The following TFCP2 variants were observed in gnomAD, a reference collection of about 807,000 sequenced individuals.
The protein encoded by TFCP2 is transcription factor CP2.
Under a neutral mutation model 73.4 loss-of-function variants are expected in TFCP2, and 33 were observed. The ratio of observed to expected loss-of-function variants is 0.45; its 90% confidence interval spans 0.34 to 0.60. The LOEUF is 0.60. TFCP2 is among the 20% of genes least tolerant of loss of function. The probability of loss-of-function intolerance (pLI) is 0.01; values close to 1 mark genes in which losing one functional copy is unlikely to be tolerated. For missense variants in TFCP2, 352 were observed against 604.0 expected (o/e 0.58, Z 4.37); for synonymous variants, 193 against 211.6 (o/e 0.91, Z 0.76).
chr12:51,157,941 G>C (rs1383552906), intron 1 of TFCP2, among the ~76,000 whole-genome samples: 3 of 151,878 alleles, frequency 2.0e-5, no homozygotes, highest in Non-Finnish European at 4.4e-5. Flanking sequence ...AACTCCCAAA[G>C]TGCTGGGATT....
intron 1 of TFCP2, among the ~76,000 whole-genome samples, chr12:51,121,393 C>G (rs1377808444): frequency 6.7e-6 from 1 of 149,942 alleles, no homozygotes; most frequent in Non-Finnish European, 1.5e-5. Flanking sequence ...CACTGAAGCC[C>G]GGGAGACAGA....
At position 51,158,177 on chromosome 12, in the gene TFCP2, T is replaced by C. The variant is rs76687087; in HGVS notation, c.122+14124A>G. ...GAATATATCACCATGCCCAGCTAAT[T>C]TTCCTTCTTTTATTATTTTTTGTAG... On this transcript the variant is annotated intron_variant, in intron 1 of 14. Coordinates refer to ENST00000257915, the MANE Select transcript of TFCP2 (RefSeq NM_005653.5). Among the ~76,000 whole-genome samples the C allele has an allele frequency of 5.7e-4, 86 of 151,912 alleles. 1 individual carries two copies. The highest frequency in any genetic ancestry group is 2.0e-3 in the African/African-American group (83 of 41,430).
At chr12:51,102,746 C>T (rs1940140678) in intron 10 of TFCP2, among the ~76,000 whole-genome samples, 1 of 151,798 alleles carries the variant, frequency 6.6e-6, no homozygotes, top group African/African-American at 2.4e-5. Flanking sequence ...ATAAATAAAT[C>T]CTGGATTCAC....
At chr12:51,120,122 G>A (rs1940622985) in intron 1 of TFCP2, among the ~76,000 whole-genome samples, 2 of 141,580 alleles carry the variant, frequency 1.4e-5, no homozygotes, top group Admixed American at 7.4e-5. Flanking sequence ...GAGGTGCAGT[G>A]AGCCGAGATC....
At chr12:51,129,514 CAAAAAAAA>C (rs5798159) in intron 1 of TFCP2, among the ~76,000 whole-genome samples, 12 of 126,194 alleles carry the variant, frequency 9.5e-5, no homozygotes, top group Admixed American at 8.5e-5. Flanking sequence ...GACCCCGTCT[CAAAAAAAA>C]AAAAAAAAAA....
intron 1 of TFCP2, among the ~76,000 whole-genome samples, chr12:51,155,228 G>A (rs12372440): frequency 0.088 from 13,438 of 152,160 alleles, 636 homozygotes; most frequent in Middle Eastern, 0.11. Context: ...TATGCCATTG[G>A]TTTCCCTGGT....
chr12:51,142,542 C>T (rs1274906481), intron 1 of TFCP2, among the ~76,000 whole-genome samples: 1 of 152,140 alleles, frequency 6.6e-6, no homozygotes, highest in African/African-American at 2.4e-5. Flanking sequence ...GTTCCTCCTC[C>T]TGGGAAAGGC....
intron 1 of TFCP2, among the ~76,000 whole-genome samples, chr12:51,142,039 C>T (rs1941204269): frequency 6.6e-6 from 1 of 151,192 alleles, no homozygotes; most frequent in Non-Finnish European, 1.5e-5. Context: ...CCCGTCTCTA[C>T]TAAAAATACA....
chr12:51,146,626 C>G (rs187063087), intron 1 of TFCP2, among the ~76,000 whole-genome samples: 1 of 152,138 alleles, frequency 6.6e-6, no homozygotes, highest in Non-Finnish European at 1.5e-5. Flanking sequence ...TAGGAAGATA[C>G]AGCAAGCTCA....
chr12:51,122,697 T>A (rs1331052934), intron 1 of TFCP2, among the ~76,000 whole-genome samples: 1 of 152,188 alleles, frequency 6.6e-6, no homozygotes, highest in African/African-American at 2.4e-5. Flanking sequence ...CATATTAATT[T>A]TTTTCCACAT....
intron 1 of TFCP2, among the ~76,000 whole-genome samples, chr12:51,165,741 T>A (rs1941745101): frequency 6.6e-6 from 1 of 152,184 alleles, no homozygotes; most frequent in South Asian, 2.1e-4. Flanking sequence ...TTTAAAGGGT[T>A]AAAATGATAG....
In TFCP2 at chr12:51,103,763, T is replaced by G; in HGVS notation, c.967A>C (p.Asn323His). The G allele has an allele frequency of 1.2e-6, 2 of 1,611,988 alleles. No homozygotes were observed. The highest frequency in any genetic ancestry group is 1.7e-6 in the Non-Finnish European group (2 of 1,179,366). ...TGAGGTGTGGTTGTTGGTAAGAGGT[T>G]CTGAAAGGGAGAGCACGTTTTTTAG... ...QPEPPPPVTD[N>H]LLPTTTPQEA... Residue 323 changes from asparagine (N) to histidine (H), a missense_variant and splice_region_variant, in exon 10 of 15, where the codon AAC becomes CAC. Asn to His is a moderately conservative substitution (Grantham distance 68). Around this residue, in one of 6 missense-constraint regions of TFCP2, gnomAD observed 194 missense variants for 256.3 expected, o/e 0.76. Transcript: ENST00000257915.
chr12:51,130,429 GCTA>G (rs1940914834), intron 1 of TFCP2, among the ~76,000 whole-genome samples: 1 of 151,964 alleles, frequency 6.6e-6, no homozygotes, highest in African/African-American at 2.4e-5. Context: ...CCAAGATCAT[GCTA>G]CTACACTCCA....
At chr12:51,158,706 C>G (rs1476214549) in intron 1 of TFCP2, among the ~76,000 whole-genome samples, 1 of 151,450 alleles carries the variant, frequency 6.6e-6, no homozygotes, top group African/African-American at 2.4e-5. Flanking sequence ...CCAGGCTGGT[C>G]TCAAACTCCT....
rs1486799850 is a variant in TFCP2, at chr12:51,106,506, T to A, written c.917+19A>T. On this transcript the variant is annotated intron_variant, in intron 8 of 14. Transcript: ENST00000257915. Reference sequence around the variant, plus strand: ...TATATTTTGGACAAATATAAGCCAATTTTATTTCCCAGACTTACCCTTCCC... The same window carrying A: ...TATATTTTGGACAAATATAAGCCAAATTTATTTCCCAGACTTACCCTTCCC... 1.3e-6 allele frequency: 2 copies of A among 1,591,084 alleles called. No homozygotes were observed. Among genetic ancestry groups the A allele is most frequent in the Non-Finnish European group, 1.7e-6 (2 of 1,166,914 alleles).
At chr12:51,111,690 C>T (rs1940404900) in intron 4 of TFCP2, among the ~76,000 whole-genome samples, 1 of 151,308 alleles carries the variant, frequency 6.6e-6, no homozygotes, top group African/African-American at 2.4e-5. Flanking sequence ...CTCATCTCTA[C>T]TAAAAATACA....
At chr12:51,122,253 C>CTTTTTTTTTTTTT (rs11347975) in intron 1 of TFCP2, among the ~76,000 whole-genome samples, 6 of 73,176 alleles carry the variant, frequency 8.2e-5, no homozygotes, top group African/African-American at 1.1e-4. Context: ...TTTTTCTTTT[C>CTTTTTTTTTTTTT]TTTTTTTTTT....
rs770494152 is a variant in TFCP2, at chr12:51,103,777, C to G, written c.967-14G>C. The G allele has an allele frequency of 2.5e-6, 4 of 1,605,252 alleles. No individual in the cohort carries two copies. The highest frequency in any genetic ancestry group is 2.6e-6 in the Non-Finnish European group (3 of 1,174,694). ...TGGTAAGAGGTTCTGAAAGGGAGAG[C>G]ACGTTTTTTAGATAACCAAATAGAT... is the stretch of plus-strand genomic sequence containing the variant. On this transcript the variant is annotated splice_polypyrimidine_tract_variant and intron_variant, in intron 9 of 14. Coordinates refer to ENST00000257915, the MANE Select transcript of TFCP2 (RefSeq NM_005653.5).
At chr12:51,100,018 T>A (rs1236485907) in intron 11 of TFCP2, among the ~76,000 whole-genome samples, 1 of 152,206 alleles carries the variant, frequency 6.6e-6, no homozygotes, top group Non-Finnish European at 1.5e-5. Context: ...TTTTGGCTTT[T>A]CCTGAAGACT....
Sources: allele counts gnomAD v4.1 joint callset (sites outside exome capture counted in the v4.1 genomes callset), GRCh38; gene constraint gnomAD v4.1.1; regional missense constraint gnomAD v4.1.1; transcripts MANE v1.5; gene names NCBI Gene and HGNC (gene_info 2026-07-23, HGNC 2026-07-21).